The following KIF1B variants were observed in gnomAD, a reference collection of about 807,000 sequenced individuals.
KIF1B encodes the protein kinesin family member 1B, also known as kinesin-like protein KIF1B.
Under a neutral mutation model 241.9 loss-of-function variants are expected in KIF1B, and 76 were observed. The ratio of observed to expected loss-of-function variants is 0.31; its 90% CI spans 0.26 to 0.38. The LOEUF (loss-of-function observed/expected upper bound fraction) is 0.38, where lower values mean the gene tolerates loss of function less well. Among genes scored for constraint, KIF1B ranks in the 10% least tolerant of loss-of-function variants. The pLI, the probability that KIF1B is intolerant of heterozygous loss-of-function variation, is 1.00. For missense variants in KIF1B, 1,622 were observed against 2,271.4 expected (o/e 0.71, Z 5.81); for synonymous variants, 750 against 796.7 (o/e 0.94, Z 0.99).
At chr1:10,245,537 A>G (rs779158396) in intron 2 of KIF1B, among the ~76,000 whole-genome samples, 1 of 152,258 alleles carries the variant, frequency 6.6e-6, no homozygotes, top group Non-Finnish European at 1.5e-5. Context: ...CAAAAGGGAA[A>G]AGATACAAAA....
At chr1:10,369,943 CAA>C (rs1230566002) in intron 44 of KIF1B, among the ~76,000 whole-genome samples, 1 of 148,584 alleles carries the variant, frequency 6.7e-6, no homozygotes, top group African/African-American at 2.5e-5. Context: ...AAAAAGAAAA[CAA>C]AAAACAAAAA....
intron 2 of KIF1B, among the ~76,000 whole-genome samples, chr1:10,236,273 A>AAACAAC (rs367849877): frequency 0.014 from 1,358 of 94,106 alleles, 18 homozygotes; most frequent in African/African-American, 0.032. Context: ...CTCCATCCCA[A>AAACAAC]AACAACAACA....
At chr1:10,215,004 ATGT>A (rs1397045203) in intron 1 of KIF1B, among the ~76,000 whole-genome samples, 3 of 151,490 alleles carry the variant, frequency 2.0e-5, no homozygotes, top group Admixed American at 6.6e-5. Flanking sequence ...ATTCTTTGTA[ATGT>A]TGTATGTACA....
At chr1:10,262,330 T>G (rs890851094) in intron 5 of KIF1B, among the ~76,000 whole-genome samples, 5 of 152,090 alleles carry the variant, frequency 3.3e-5, no homozygotes, top group African/African-American at 1.2e-4. Context: ...TTGATTTTTT[T>G]GTAGAGATGG....
intron 1 of KIF1B, among the ~76,000 whole-genome samples, chr1:10,224,306 T>C (rs1349995305): frequency 3.9e-5 from 6 of 151,918 alleles, no homozygotes; most frequent in South Asian, 4.1e-4. Flanking sequence ...TTAGTAGAGA[T>C]GGGGTTTCAC....
chr1:10,223,550 T>TG (rs1489740094), intron 1 of KIF1B, among the ~76,000 whole-genome samples: 246 of 149,954 alleles, frequency 1.6e-3, no homozygotes, highest in Middle Eastern at 3.5e-3. Flanking sequence ...TGTTTTGTTT[T>TG]TTTTTTTTTT....
chr1:10,300,124 C>A (rs1263178351), intron 22 of KIF1B, among the ~76,000 whole-genome samples: 1 of 151,570 alleles, frequency 6.6e-6, no homozygotes, highest in Non-Finnish European at 1.5e-5. Context: ...GTAATCCCAG[C>A]TGCTTGGGAG....
chr1:10,363,922 C>T (rs1638493633), intron 41 of KIF1B, among the ~76,000 whole-genome samples: 1 of 151,932 alleles, frequency 6.6e-6, no homozygotes, highest in Non-Finnish European at 1.5e-5. Flanking sequence ...AAGTCAGGGC[C>T]CACAGGCAAG....
At chr1:10,239,508 T>A (rs1359085886) in intron 2 of KIF1B, among the ~76,000 whole-genome samples, 2 of 152,126 alleles carry the variant, frequency 1.3e-5, no homozygotes, top group African/African-American at 2.4e-5. Context: ...TTGGTTTTTT[T>A]AAAAGTGTAA....
At chr1:10,311,236 A>G (rs926671693) in intron 22 of KIF1B, among the ~76,000 whole-genome samples, 5 of 136,406 alleles carry the variant, frequency 3.7e-5, no homozygotes, top group East Asian at 2.1e-4. Flanking sequence ...TTTTTTTGAG[A>G]TAGAGTCTCA....
At position 10,374,663 on chromosome 1, in the gene KIF1B, G is replaced by A. The variant is rs950585772; in HGVS notation, c.5097-191G>A. Among the ~76,000 whole-genome samples, 7 of 152,156 alleles carry A rather than the reference G, an allele frequency of 4.6e-5. No individual in the cohort carries two copies. The highest frequency in any genetic ancestry group is 1.3e-4 in the Admixed American group (2 of 15,286). On this transcript the variant is annotated intron_variant, in intron 46 of 48. Transcript: ENST00000676179. This position sits in a 1 kb window ranked among gnomAD's most constrained non-coding sequence, Gnocchi z 4.3. ...TCTCATAATGCATCTGCACCCTGGC[G>A]CAGCATGTTGCCATGGCACGGTTTC...
At chr1:10,213,390 T>A (rs1238493939) in intron 1 of KIF1B, among the ~76,000 whole-genome samples, 2 of 152,190 alleles carry the variant, frequency 1.3e-5, no homozygotes, top group African/African-American at 4.8e-5. Flanking sequence ...TTTCCTTTTT[T>A]CTCTCTTTCT....
chr1:10,307,208 A>G, intron 22 of KIF1B: 1 of 1,028,090 alleles, frequency 9.7e-7, no homozygotes, highest in Non-Finnish European at 1.2e-6. Context: ...CTAGAGAATA[A>G]CTCTGTATGA....
intron 22 of KIF1B, chr1:10,304,455 G>A (rs1650721376): frequency 6.2e-7 from 1 of 1,611,366 alleles, no homozygotes; most frequent in Non-Finnish European, 8.5e-7. Flanking sequence ...TCCAGGCAAA[G>A]CGCCATATTC....
intron 27 of KIF1B, among the ~76,000 whole-genome samples, chr1:10,328,419 A>G (rs1296603471): frequency 3.9e-5 from 6 of 152,232 alleles, no homozygotes; most frequent in Admixed American, 2.6e-4. Context: ...CCATGAATAA[A>G]CATAAAGGGA....
At chr1:10,246,204 G>A (rs948002097) in intron 2 of KIF1B, among the ~76,000 whole-genome samples, 2 of 152,056 alleles carry the variant, frequency 1.3e-5, no homozygotes, top group African/African-American at 2.4e-5. Flanking sequence ...ACCCAGAGTG[G>A]CTCCTCCTTT....
In KIF1B at chr1:10,326,281, C is replaced by T. The variant is rs141942131; in HGVS notation, c.2846C>T (p.Thr949Met). 1.9e-5 allele frequency: 30 copies of T among 1,614,168 alleles called. No individual in the cohort carries two copies. The highest frequency in any genetic ancestry group is 1.7e-4 in the Middle Eastern group (1 of 6,060). ...FVDDAGSDAG[T>M]EEGSDLFSDG... is the part of the protein sequence containing the mutation. ...GATGACGCCGGCTCTGACGCAGGGA[C>T]GGAGGAGGGATCAGATCTCTTCAGT... is the stretch of plus-strand genomic sequence containing the variant. Residue 949 changes from threonine to methionine, a missense_variant, in exon 27 of 49, where the codon ACG becomes ATG. By Grantham distance (81) the Thr-to-Met change is moderately conservative. Transcript: ENST00000676179. This position sits in a 1 kb window ranked among gnomAD's most constrained non-coding sequence, Gnocchi z 5.2.
intron 44 of KIF1B, among the ~76,000 whole-genome samples, chr1:10,369,603 A>T (rs1638670391): frequency 6.6e-6 from 1 of 152,092 alleles, no homozygotes; most frequent in Non-Finnish European, 1.5e-5. Context: ...ATTGCACCCC[A>T]GCCTGTGTGA....
intron 37 of KIF1B, among the ~76,000 whole-genome samples, chr1:10,351,110 T>C (rs1652778168): frequency 6.6e-6 from 1 of 151,528 alleles, no homozygotes; most frequent in Admixed American, 6.6e-5. Context: ...GAAGGGAGAT[T>C]ATGTTCTCTC....
Sources: allele counts gnomAD v4.1 joint callset (sites outside exome capture counted in the v4.1 genomes callset), GRCh38; gene constraint gnomAD v4.1.1; non-coding constraint Gnocchi (gnomAD v3.1); transcripts MANE v1.5; gene names NCBI Gene and HGNC (gene_info 2026-07-23, HGNC 2026-07-21).